The following HUWE1 variants were observed in gnomAD, a reference collection of about 807,000 sequenced individuals.
HUWE1 encodes the protein E3 ubiquitin-protein ligase HUWE1.
In HUWE1, 18 loss-of-function variants were observed where a neutral mutation model predicts 299.4. The ratio of observed to expected loss-of-function variants is 0.06; its 90% CI spans 0.04 to 0.09. The LOEUF is 0.09. HUWE1 is among the 10% of genes least tolerant of loss of function. The pLI is 1.00. For synonymous variants in HUWE1, 1,317 were observed against 1,286.1 expected (o/e 1.02, Z -0.51); for missense variants, 1,832 against 3,462.3 (o/e 0.53, Z 11.82).
At chrX:53,656,543 A>C (rs1045375846) in intron 3 of HUWE1, among the ~76,000 whole-genome samples, 1 of 55,112 alleles carries the variant, frequency 1.8e-5, no homozygotes, top group Non-Finnish European at 3.8e-5. Context: ...CTCCAGTCTC[A>C]AAAAAAAAAA....
intron 31 of HUWE1, among the ~76,000 whole-genome samples, chrX:53,593,989 C>T (rs1411924731): frequency 9.1e-6 from 1 of 110,411 alleles, no homozygotes; most frequent in African/African-American, 3.3e-5. Context: ...CCCAGCTACT[C>T]GGGAGGCTGA....
At chrX:53,566,127 G>GTGTT (rs1556945698) in intron 49 of HUWE1, among the ~76,000 whole-genome samples, 7 of 39,201 alleles carry the variant, frequency 1.8e-4, no homozygotes, top group African/African-American at 6.8e-4. Context: ...ATGTGTGTGT[G>GTGTT]TGTGTGTATA....
intron 15 of HUWE1, among the ~76,000 whole-genome samples, chrX:53,628,177 C>A (rs1284490665): frequency 9.0e-6 from 1 of 111,028 alleles, no homozygotes; most frequent in Non-Finnish European, 1.9e-5. Flanking sequence ...ACACAACTTA[C>A]AAAGTACCCT....
At chrX:53,541,972 G>C (rs188095337) in intron 74 of HUWE1, among the ~76,000 whole-genome samples, 179 of 112,061 alleles carry the variant, frequency 1.6e-3, no homozygotes, top group East Asian at 5.6e-3. Flanking sequence ...CCTGAGGTCA[G>C]GAGTTTGAGA....
intron 57 of HUWE1, 84 bp from the exon 58 acceptor site, chrX:53,559,144 C>A: frequency 1.2e-6 from 1 of 831,482 alleles, no homozygotes; most frequent in South Asian, 2.2e-5. Flanking sequence ...CAGTATTTCC[C>A]TAAAAGGACC....
intron 25 of HUWE1, among the ~76,000 whole-genome samples, chrX:53,606,997 G>C (rs1556997287): frequency 9.0e-6 from 1 of 111,326 alleles, no homozygotes; most frequent in Non-Finnish European, 1.9e-5. Context: ...AAAAAATAAA[G>C]AAGCTTCATT....
chrX:53,625,371 G>C (rs1557016174), intron 17 of HUWE1, 113 bp from the exon 18 acceptor site: 2 of 520,910 alleles, frequency 3.8e-6, no homozygotes, highest in Non-Finnish European at 7.0e-6. Context: ...AAAATTAGAA[G>C]ACATTCGAAG....
At chrX:53,681,608 G>C (rs781982193) in intron 2 of HUWE1, among the ~76,000 whole-genome samples, 3 of 111,357 alleles carry the variant, frequency 2.7e-5, no homozygotes, top group Non-Finnish European at 5.7e-5. Context: ...TTTCTCTCTC[G>C]GACAGGAATT....
chrX:53,583,226 G>T (rs1383807540), intron 42 of HUWE1, among the ~76,000 whole-genome samples: 2 of 108,757 alleles, frequency 1.8e-5, no homozygotes, highest in African/African-American at 6.7e-5. Flanking sequence ...ACAAAGGAAT[G>T]ATTCTGAAGG....
At chrX:53,584,836 C>T (rs1231889686) in intron 40 of HUWE1, among the ~76,000 whole-genome samples, 176 bp downstream of exon 40, 3 of 111,898 alleles carry the variant, frequency 2.7e-5, no homozygotes, top group Non-Finnish European at 5.6e-5. Flanking sequence ...CTGGACCACA[C>T]TGGAAGAAGA....
At chrX:53,547,609 A>G in intron 68 of HUWE1, 64 bp downstream of exon 68, 3 of 1,188,435 alleles carry the variant, frequency 2.5e-6, no homozygotes, top group South Asian at 3.7e-5. Context: ...ATCTGGATGG[A>G]AAAGGGGGTG....
chrX:53,548,374 A>G (rs2061632889), intron 67 of HUWE1, 101 bp from the exon 68 acceptor site: 2 of 967,713 alleles, frequency 2.1e-6, no homozygotes, highest in Admixed American at 2.6e-5. Flanking sequence ...TCCTTCAGAC[A>G]ATTTTGGTAA....
At chrX:53,683,899 G>A in intron 2 of HUWE1, 1 of 270,869 alleles carries the variant, frequency 3.7e-6, no homozygotes, top group Non-Finnish European at 6.3e-6. Flanking sequence ...CGAATCCCAC[G>A]AGGACGTAAC....
At chrX:53,557,105 C>T (rs998377023) in intron 60 of HUWE1, 1 of 440,889 alleles carries the variant, frequency 2.3e-6, no homozygotes, top group Non-Finnish European at 4.2e-6. Context: ...GAACAAGACA[C>T]ATGACCTCAT....
At chrX:53,608,498 C>A (rs1569488050) in intron 24 of HUWE1, among the ~76,000 whole-genome samples, 1 of 111,511 alleles carries the variant, frequency 9.0e-6, no homozygotes, top group Non-Finnish European at 1.9e-5. Flanking sequence ...TGAGCATTTC[C>A]CTTCAGTGTT....
chrX:53,564,920 T>C (rs2062455008), intron 50 of HUWE1, 147 bp downstream of exon 50: 4 of 798,657 alleles, frequency 5.0e-6, no homozygotes, highest in Non-Finnish European at 7.5e-6. Flanking sequence ...AGGAATTCTT[T>C]GTGGGGCAGA....
chrX:53,654,767 T>C (rs2068668235), intron 3 of HUWE1, among the ~76,000 whole-genome samples: 1 of 112,307 alleles, frequency 8.9e-6, no homozygotes, highest in African/African-American at 3.2e-5. Context: ...GGTATAAAAC[T>C]TATGTCTAAA....
intron 60 of HUWE1, chrX:53,556,188 TTGTC>T (rs1556934487): frequency 5.8e-6 from 2 of 343,032 alleles, no homozygotes; most frequent in Admixed American, 3.1e-5. Context: ...ATCTACAACT[TTGTC>T]TGATGGAGGC....
At chrX:53,662,296 C>A (rs1219286815) in intron 3 of HUWE1, among the ~76,000 whole-genome samples, 1 of 111,947 alleles carries the variant, frequency 8.9e-6, no homozygotes, top group African/African-American at 3.3e-5. Context: ...CACTGCATAA[C>A]CGCAGACAAA....
Sources: gnomAD v4.1 joint callset for allele counts (sites outside exome capture counted in the v4.1 genomes callset) on GRCh38, gnomAD v4.1.1 for gene constraint, MANE v1.5 for transcripts, NCBI Gene and HGNC (gene_info 2026-07-23, HGNC 2026-07-21) for gene names.